CPSF6: variants seen among roughly 807,000 people sequenced by gnomAD.
CPSF6 encodes cleavage and polyadenylation specificity factor subunit 6.
Under a neutral mutation model 56.7 loss-of-function variants are expected in CPSF6, and 10 were observed. That is an observed-to-expected ratio of 0.18 (90% confidence interval 0.11 to 0.30). The LOEUF is 0.30. Among genes scored for constraint, CPSF6 ranks in the 10% least tolerant of loss-of-function variants. The probability of loss-of-function intolerance (pLI) is 1.00; values close to 1 mark genes in which losing one functional copy is unlikely to be tolerated. For missense variants in CPSF6, 419 were observed against 722.9 expected (o/e 0.58, Z 4.82); for synonymous variants, 248 against 244.8 (o/e 1.01, Z -0.12).
chr12:69,257,947 C>G (rs924093238), intron 5 of CPSF6, 42 bp downstream of exon 5: 1 of 1,590,082 alleles, frequency 6.3e-7, no homozygotes, highest in African/African-American at 1.4e-5. Context: ...ACATGTCTAC[C>G]TAATACCTCT....
chr12:69,250,579 C>T (rs1401766582), intron 1 of CPSF6, among the ~76,000 whole-genome samples: 1 of 135,536 alleles, frequency 7.4e-6, no homozygotes, highest in African/African-American at 2.9e-5. Flanking sequence ...TGTAGCGAGA[C>T]CTGGTCTCTA....
rs1348192811 is a variant in CPSF6, at chr12:69,272,220, AGCCCATTTAAT to A, written c.*2714_*2724del. ...TTGCAGTGGCTTTTGATCATAGTTTAGCCCATTTAATGGTCCTTTTACCTAGAATGTTCTTA... is the reference window on the plus strand; with the variant it reads ...TTGCAGTGGCTTTTGATCATAGTTTAGGTCCTTTTACCTAGAATGTTCTTA... On this transcript the variant is annotated 3_prime_UTR_variant, in exon 10 of 10. Coordinates refer to ENST00000435070, the MANE Select transcript of CPSF6 (RefSeq NM_007007.3). The A allele has an allele frequency of 5.3e-5, 8 of 149,590 alleles. No individual in the cohort carries two copies. The highest frequency in any genetic ancestry group is 2.0e-4 in the African/African-American group (8 of 40,796). The allele number at this position is 149,590 out of a possible 1,614,324, so 9.3% of individuals were successfully genotyped here.
chr12:69,248,266 G>A (rs941416375), intron 1 of CPSF6, among the ~76,000 whole-genome samples: 4 of 151,922 alleles, frequency 2.6e-5, no homozygotes, highest in Non-Finnish European at 4.4e-5. Flanking sequence ...ATTTATGTAA[G>A]TGAAAGTGTA....
chr12:69,267,668 C>T (rs1403904104), intron 9 of CPSF6, among the ~76,000 whole-genome samples: 1 of 151,772 alleles, frequency 6.6e-6, no homozygotes, highest in Non-Finnish European at 1.5e-5. Context: ...TCGTTTAAGA[C>T]TGTAAAATTT....
intron 9 of CPSF6, among the ~76,000 whole-genome samples, chr12:69,267,527 C>T (rs576192680): frequency 3.3e-5 from 5 of 151,812 alleles, no homozygotes; most frequent in Admixed American, 6.6e-5. Context: ...AAAACATGGA[C>T]GTTGAATGTA....
At chr12:69,261,727 CT>C (rs1335170280) in intron 8 of CPSF6, among the ~76,000 whole-genome samples, 43 of 152,250 alleles carry the variant, frequency 2.8e-4, no homozygotes, top group African/African-American at 9.6e-4. Flanking sequence ...TTATAGAAGT[CT>C]TTTGGGTAGT....
rs538542381 is a variant in CPSF6, at chr12:69,273,707, T to G, written c.*4199T>G. The G allele has an allele frequency of 6.6e-6, 1 of 152,114 alleles. No individual in the cohort carries two copies. The highest frequency in any genetic ancestry group is 1.9e-4 in the East Asian group (1 of 5,192). 9.4% of individuals were successfully genotyped at this position (152,114 alleles called of 1,614,324 possible). A position where few individuals can be genotyped will look rare whatever the true frequency, so the allele number is the denominator to read the frequency against. Reference sequence around the variant, plus strand: ...GGTGAATTCATGTTTATTTTTTTACTTTGAAAATTGTAGTACTCAGGTGGT... The same window carrying G: ...GGTGAATTCATGTTTATTTTTTTACGTTGAAAATTGTAGTACTCAGGTGGT... On this transcript the variant is annotated 3_prime_UTR_variant, in exon 10 of 10. Coordinates refer to ENST00000435070, the MANE Select transcript of CPSF6 (RefSeq NM_007007.3).
chr12:69,240,747 A>G (rs901167930), intron 1 of CPSF6, among the ~76,000 whole-genome samples: 1 of 150,504 alleles, frequency 6.6e-6, no homozygotes, highest in Non-Finnish European at 1.5e-5. Flanking sequence ...TGAGAATGCA[A>G]GGTTTTCCTG....
At chr12:69,248,424 C>G (rs999930536) in intron 1 of CPSF6, among the ~76,000 whole-genome samples, 1 of 152,146 alleles carries the variant, frequency 6.6e-6, no homozygotes, top group Non-Finnish European at 1.5e-5. Flanking sequence ...ACTTGATGTT[C>G]AGAACCGGAT....
chr12:69,259,458 T>G lies in CPSF6; in HGVS notation c.1230T>G (p.Ser410Arg). 6.2e-7 allele frequency: 1 copy of G among 1,613,642 alleles called. No homozygotes were observed. The highest frequency in any genetic ancestry group is 8.5e-7 in the Non-Finnish European group (1 of 1,179,792). The change falls in exon 7 of 10, where the codon AGT becomes AGG. Residue 410 changes from serine to arginine, a missense_variant. Around this residue, in one of 4 missense-constraint regions of CPSF6, gnomAD observed 211 missense variants for 296.0 expected, o/e 0.71. Transcript: ENST00000435070. ...REMDTARTPL[S>R]EAEFEEIMNR... The stretch of plus-strand genomic sequence containing the variant: ...TGGATACTGCAAGAACGCCATTGAG[T>G]GAAGCTGAATTTGAAGAAATCATGA...
intron 2 of CPSF6, among the ~76,000 whole-genome samples, 189 bp downstream of exon 2, chr12:69,251,527 A>T (rs1872243397): frequency 6.6e-6 from 1 of 151,822 alleles, no homozygotes; most frequent in Non-Finnish European, 1.5e-5. Flanking sequence ...TCTAGTTTTG[A>T]GTTTTGTGGT....
At chr12:69,259,776 T>A (rs1428197469) in intron 7 of CPSF6, among the ~76,000 whole-genome samples, 1 of 152,218 alleles carries the variant, frequency 6.6e-6, no homozygotes, top group African/African-American at 2.4e-5. Context: ...CCTTGACATT[T>A]AATGGTTCAG....
chr12:69,240,349 C>T (rs1021683754), intron 1 of CPSF6, among the ~76,000 whole-genome samples: 3 of 152,210 alleles, frequency 2.0e-5, no homozygotes, highest in Non-Finnish European at 1.5e-5. Context: ...CTGAAGGCGA[C>T]TGAGGTGCGG....
chr12:69,241,696 A>G (rs317631), intron 1 of CPSF6, among the ~76,000 whole-genome samples: 151,824 of 152,314 alleles, frequency 1, 75,668 homozygotes, highest in Middle Eastern at 1. Flanking sequence ...CCCAATGAGG[A>G]ACTCCTTTTA....
intron 1 of CPSF6, among the ~76,000 whole-genome samples, chr12:69,244,556 C>T (rs1205551538): frequency 6.6e-6 from 1 of 151,654 alleles, no homozygotes; most frequent in Admixed American, 6.6e-5. Context: ...TTTTTTTTAA[C>T]TTTTAAAATT....
At chr12:69,260,655 CGTATT>C (rs1872705709) in intron 8 of CPSF6, among the ~76,000 whole-genome samples, 1 of 152,142 alleles carries the variant, frequency 6.6e-6, no homozygotes, top group African/African-American at 2.4e-5. Flanking sequence ...GTTAGTCTGT[CGTATT>C]GTTCTTTTTA....
chr12:69,257,255 C>T (rs2120556001), intron 4 of CPSF6, among the ~76,000 whole-genome samples: 1 of 152,218 alleles, frequency 6.6e-6, no homozygotes, highest in South Asian at 2.1e-4. Context: ...GACCTTTCAC[C>T]ACTTGGTAAA....
chr12:69,257,240 A>G lies in CPSF6; in HGVS notation c.520+398A>G, dbSNP rs551577392. Reference sequence around the variant, plus strand: ...ATGTTCATTGATTTTTCTGCTTGGCAACAAGACCTTTCACCACTTGGTAAA... The same window carrying G: ...ATGTTCATTGATTTTTCTGCTTGGCGACAAGACCTTTCACCACTTGGTAAA... On this transcript the variant is annotated intron_variant, in intron 4 of 9. Coordinates refer to ENST00000435070, the MANE Select transcript of CPSF6 (RefSeq NM_007007.3). Among the ~76,000 whole-genome samples the G allele has an allele frequency of 7.9e-5, 12 of 152,350 alleles. No homozygotes were observed. The South Asian group carries it at 2.5e-3, about 32-fold the overall frequency.
intron 4 of CPSF6, among the ~76,000 whole-genome samples, chr12:69,257,362 CCTTTT>C (rs745840324): frequency 2.0e-5 from 3 of 152,210 alleles, no homozygotes; most frequent in South Asian, 2.1e-4. Flanking sequence ...TCAAGTGGTT[CCTTTT>C]CTTTTAATGT....
Sources: allele counts gnomAD v4.1 joint callset (sites outside exome capture counted in the v4.1 genomes callset), GRCh38; gene constraint gnomAD v4.1.1; regional missense constraint gnomAD v4.1.1; transcripts MANE v1.5; gene names NCBI Gene and HGNC (gene_info 2026-07-23, HGNC 2026-07-21).